The following COL20A1 variants were observed in gnomAD, a reference collection of about 807,000 sequenced individuals.
COL20A1 encodes the protein collagen type XX alpha 1 chain, also known as collagen alpha-1(XX) chain.
In COL20A1, 164 loss-of-function variants were observed where a neutral mutation model predicts 152.9. The observed-to-expected ratio is 1.07, with a 90% CI of 0.94 to 1.22. The LOEUF (loss-of-function observed/expected upper bound fraction) is 1.22. Ranked by LOEUF, COL20A1 falls within the 50% of genes most tolerant of loss-of-function variation. The pLI is 0.00. For synonymous variants in COL20A1, 864 were observed against 756.0 expected (o/e 1.14, Z -2.34); for missense variants, 1,873 against 1,744.8 (o/e 1.07, Z -1.31).
chr20:63,308,713 A>G lies in COL20A1; in HGVS notation c.940+7A>G. The G allele has an allele frequency of 1.3e-6, 2 of 1,585,002 alleles. No homozygotes were observed. The highest frequency in any genetic ancestry group is 1.7e-6 in the Non-Finnish European group (2 of 1,163,822). ...GTGAACGTCTTCGCTGTGGGTGAGCACCATGCGGCTCCCCCGGCCCTGGAG... is the reference window on the plus strand; with the variant it reads ...GTGAACGTCTTCGCTGTGGGTGAGCGCCATGCGGCTCCCCCGGCCCTGGAG... On this transcript the variant is annotated splice_region_variant and intron_variant, in intron 8 of 35. Transcript: ENST00000358894.
At position 63,311,514 on chromosome 20, in the gene COL20A1, C is replaced by G. The variant is rs534221260; in HGVS notation, c.1514C>G (p.Pro505Arg). The G allele has an allele frequency of 3.2e-5, 51 of 1,590,304 alleles. 1 individual carries two copies. In the South Asian group the frequency reaches 5.3e-4, roughly 17 times the overall value. Reference protein sequence around the residue: ...HYLVRCSPASPKGEEEEREVQ... With the variant: ...HYLVRCSPASRKGEEEEREVQ... Reference sequence around the variant, plus strand: ...CTGGTGCGATGTTCTCCTGCTTCCCCCAAGGGTGAAGAGGAGGAGCGAGAG... The same window carrying G: ...CTGGTGCGATGTTCTCCTGCTTCCCGCAAGGGTGAAGAGGAGGAGCGAGAG... The change falls in exon 12 of 36, where the codon CCC (proline) becomes CGC (arginine). Residue 505 changes from proline to arginine, a missense_variant. Coordinates refer to ENST00000358894, the MANE Select transcript of COL20A1 (RefSeq NM_020882.4). The surrounding 1 kb of genome is among the most constrained non-coding windows in gnomAD (Gnocchi z 4.4).
Position 63,305,988 on chromosome 20 carries a change from G to A in COL20A1, c.445G>A (p.Ala149Thr), listed in dbSNP as rs201968872. ...SHTGSPDPEQ[A>T]SEPQVAFTPS... Reference sequence around the variant, plus strand: ...CACGGGGAGCCCAGACCCTGAGCAGGCTTCTGAGCCCCAAGTTGCCTTCAC... The same window carrying A: ...CACGGGGAGCCCAGACCCTGAGCAGACTTCTGAGCCCCAAGTTGCCTTCAC... The change falls in exon 5 of 36, where the codon GCT (alanine) becomes ACT (threonine). Residue 149 changes from alanine to threonine, a missense_variant. By Grantham distance (58) the Ala-to-Thr change is moderately conservative. Coordinates refer to ENST00000358894, the MANE Select transcript of COL20A1 (RefSeq NM_020882.4). This position sits in a 1 kb window ranked among gnomAD's most constrained non-coding sequence, Gnocchi z 4.9. The A allele has an allele frequency of 4.3e-6, 7 of 1,612,768 alleles. No individual in the cohort carries two copies. In the Admixed American group the frequency reaches 5.0e-5, roughly 12 times the overall value.
rs2068001647 is a variant in COL20A1, at chr20:63,311,313, ACT to A, written c.1394-78_1394-77del. On this transcript the variant is annotated intron_variant, in intron 11 of 35. Coordinates refer to ENST00000358894, the MANE Select transcript of COL20A1 (RefSeq NM_020882.4). This position sits in a 1 kb window ranked among gnomAD's most constrained non-coding sequence, Gnocchi z 4.4. ...TGCCAGGCGGTGGCCGTGCCCACCC[ACT>A]CTGGTGTGAGGGTGCCCCGTGCGTG... 2.1e-5 allele frequency: 30 copies of A among 1,407,498 alleles called. No individual in the cohort carries two copies. The highest frequency in any genetic ancestry group is 2.7e-5 in the Non-Finnish European group (29 of 1,056,394). The allele number at this position is 1,407,498 out of a possible 1,614,324, so 87.2% of individuals were successfully genotyped here.
chr20:63,302,855 C>T (rs1255358030), intron 3 of COL20A1, among the ~76,000 whole-genome samples: 1 of 152,220 alleles, frequency 6.6e-6, no homozygotes, highest in African/African-American at 2.4e-5. Flanking sequence ...TTCGTCTCTC[C>T]ACCCTGTCTC....
rs143059145 is a variant in COL20A1, at chr20:63,308,110, C to T, written c.775+20C>T. On this transcript the variant is annotated intron_variant, in intron 7 of 35. Transcript: ENST00000358894. ...TCACAGGTACGGCCCAGGCCTGCCC[C>T]TCCCTCTGTCCTGAGGGCGGACCTC... is the stretch of plus-strand genomic sequence containing the variant. The T allele has an allele frequency of 1.2e-6, 2 of 1,611,330 alleles. No individual in the cohort carries two copies. Among genetic ancestry groups the T allele is most frequent in the Admixed American group, 3.3e-5 (2 of 59,910 alleles).
chr20:63,328,159 G>GCAGC, intron 33 of COL20A1, 32 bp downstream of exon 33: 2 of 1,610,796 alleles, frequency 1.2e-6, no homozygotes, highest in Non-Finnish European at 1.7e-6. Flanking sequence ...AGTGAGGCCA[G>GCAGC]CAGCCCTGCA....
In COL20A1 at chr20:63,319,021, T is replaced by A; in HGVS notation, c.2664-37T>A. ...TCTGCCAGGTTTGGCTGCCCTTGGG[T>A]CTGCTCATGTGCCTCTCCCTCCCCC... On this transcript the variant is annotated intron_variant, in intron 21 of 35. Coordinates refer to ENST00000358894, the MANE Select transcript of COL20A1 (RefSeq NM_020882.4). The surrounding 1 kb of genome is among the most constrained non-coding windows in gnomAD (Gnocchi z 4.4). 1 of 1,572,266 alleles carries A rather than the reference T, an allele frequency of 6.4e-7. No homozygotes were observed. Among genetic ancestry groups the A allele is most frequent in the Non-Finnish European group, 8.7e-7 (1 of 1,144,966 alleles).
intron 11 of COL20A1, 125 bp downstream of exon 11, chr20:63,310,635 A>G (rs1197210338): frequency 1.4e-5 from 15 of 1,088,502 alleles, no homozygotes; most frequent in Non-Finnish European, 1.9e-5. Flanking sequence ...CACAGTTGGC[A>G]CCATCCCCAG....
intron 26 of COL20A1, among the ~76,000 whole-genome samples, chr20:63,321,676 C>T (rs902241372): frequency 4.6e-5 from 7 of 152,148 alleles, no homozygotes; most frequent in Non-Finnish European, 4.4e-5. Context: ...GGGGTGGGTC[C>T]TGAGAGGTCC....
At chr20:63,321,177 C>G (rs1001664891) in intron 26 of COL20A1, 78 bp downstream of exon 26, 1 of 930,960 alleles carries the variant, frequency 1.1e-6, no homozygotes, top group Non-Finnish European at 1.7e-6. Flanking sequence ...ATGTGTAACC[C>G]AGGCCCTCCC....
Position 63,313,902 on chromosome 20 carries a change from G to C in COL20A1, c.2358+11G>C. ...GGACCCGAGAAATCCGTGAGTCTTG[G>C]TAGAGCCTGAGGCTGCCCCACCTCG... On this transcript the variant is annotated intron_variant, in intron 18 of 35. Coordinates refer to ENST00000358894, the MANE Select transcript of COL20A1 (RefSeq NM_020882.4). This position sits in a 1 kb window ranked among gnomAD's most constrained non-coding sequence, Gnocchi z 5.9. 6.3e-7 allele frequency: 1 copy of C among 1,595,316 alleles called. No homozygotes were observed. The highest frequency in any genetic ancestry group is 8.5e-7 in the Non-Finnish European group (1 of 1,171,242).
At chr20:63,325,391 C>T (rs1173654735) in intron 27 of COL20A1, 50 bp from the exon 28 acceptor site, 3 of 1,418,258 alleles carry the variant, frequency 2.1e-6, no homozygotes, top group Non-Finnish European at 2.0e-6. Flanking sequence ...CCCTGCCCTC[C>T]TGCCCTGTGC....
Position 63,305,996 on chromosome 20 carries a change from G to A in COL20A1, c.453G>A (p.Glu151=), listed in dbSNP as rs1488858650. 6.2e-7 allele frequency: 1 copy of A among 1,612,580 alleles called. No individual in the cohort carries two copies. The highest frequency in any genetic ancestry group is 8.5e-7 in the Non-Finnish European group (1 of 1,179,770). The change falls in exon 5 of 36, where the codon GAG becomes GAA. Residue 151 remains glutamate, a synonymous_variant. Coordinates refer to ENST00000358894, the MANE Select transcript of COL20A1 (RefSeq NM_020882.4). This position sits in a 1 kb window ranked among gnomAD's most constrained non-coding sequence, Gnocchi z 4.9. ...GCCCAGACCCTGAGCAGGCTTCTGA[G>A]CCCCAAGTTGCCTTCACACCAAGCC... The part of the protein sequence containing the change: ...TGSPDPEQAS[E]PQVAFTPSQD...
rs370410638 is a variant in COL20A1, at chr20:63,308,095, G to A, written c.775+5G>A. The A allele has an allele frequency of 2.5e-4, 396 of 1,599,722 alleles. No homozygotes were observed. Among genetic ancestry groups the A allele is most frequent in the Non-Finnish European group, 3.2e-4 (374 of 1,179,196 alleles). On this transcript the variant is annotated splice_donor_5th_base_variant and intron_variant, in intron 7 of 35. Coordinates refer to ENST00000358894, the MANE Select transcript of COL20A1 (RefSeq NM_020882.4). ...AGGGGGGGAACACGTTCACAGGTACGGCCCAGGCCTGCCCCTCCCTCTGTC... is the reference window on the plus strand; with the variant it reads ...AGGGGGGGAACACGTTCACAGGTACAGCCCAGGCCTGCCCCTCCCTCTGTC...
intron 14 of COL20A1, 98 bp from the exon 15 acceptor site, chr20:63,312,322 G>A: frequency 7.5e-7 from 1 of 1,340,836 alleles, no homozygotes; most frequent in Non-Finnish European, 9.8e-7. Context: ...GGGGGTCGTG[G>A]GGTAGTCCTG....
chr20:63,299,125 CCT>C lies in COL20A1; in HGVS notation c.193+1106_193+1107del, dbSNP rs1555826914. 5.6e-4 allele frequency among the ~76,000 whole-genome samples: 85 copies of C among 152,320 alleles called. 1 individual carries two copies. In the South Asian group the frequency reaches 0.013, roughly 23 times the overall value. ...CATTTTCTTTGCTGTATAGTATTCC[CCT>C]GTGTGATCTCTTCTGCTATTGATGG... On this transcript the variant is annotated intron_variant, in intron 3 of 35. Coordinates refer to ENST00000358894, the MANE Select transcript of COL20A1 (RefSeq NM_020882.4).
At chr20:63,321,685 C>G (rs936158367) in intron 26 of COL20A1, among the ~76,000 whole-genome samples, 7 of 152,124 alleles carry the variant, frequency 4.6e-5, no homozygotes, top group African/African-American at 1.7e-4. Flanking sequence ...CCTGAGAGGT[C>G]CTTGGACCTG....
rs866434106 is a variant in COL20A1, at chr20:63,312,893, C to T, written c.2035C>T (p.Gln679Ter). Residue 679 changes from glutamine (Q) to a stop codon, truncating the protein, a stop_gained, in exon 16 of 36, where the codon CAG becomes TAG. Coordinates refer to ENST00000358894, the MANE Select transcript of COL20A1 (RefSeq NM_020882.4). LOFTEE classifies it high-confidence loss of function. ...AGCCCCGTCTGGCGTGCTTGTCTACCAGATCACGTGGACGCCCCTGGGAGA... is the reference window on the plus strand; with the variant it reads ...AGCCCCGTCTGGCGTGCTTGTCTACTAGATCACGTGGACGCCCCTGGGAGA... ...AAAPSGVLVY[Q>*]ITWTPLGEGK... The T allele has an allele frequency of 2.6e-6, 4 of 1,558,480 alleles. No homozygotes were observed. In the Admixed American group the frequency reaches 7.7e-5, roughly 30 times the overall value.
At position 63,309,649 on chromosome 20, in the gene COL20A1, G is replaced by A. The variant is rs914454972; in HGVS notation, c.1106-109G>A. The stretch of plus-strand genomic sequence containing the variant: ...CACCCCCTTACATCTGTCCACAGAA[G>A]GGCTGGGGAGCAGCTTTCCTGTCCC... On this transcript the variant is annotated intron_variant, in intron 9 of 35. Coordinates refer to ENST00000358894, the MANE Select transcript of COL20A1 (RefSeq NM_020882.4). The A allele has an allele frequency of 8.6e-6, 11 of 1,279,624 alleles. 1 individual carries two copies. The highest frequency in any genetic ancestry group is 7.5e-5 in the African/African-American group (5 of 66,878). 79.3% of individuals were successfully genotyped at this position (1,279,624 alleles called of 1,614,324 possible). A position where few individuals can be genotyped will look rare whatever the true frequency, so the allele number is the denominator to read the frequency against.
Sources: gnomAD v4.1 joint callset for allele counts (sites outside exome capture counted in the v4.1 genomes callset) on GRCh38, gnomAD v4.1.1 for gene constraint, Gnocchi (gnomAD v3.1) non-coding constraint, MANE v1.5 for transcripts, NCBI Gene and HGNC (gene_info 2026-07-23, HGNC 2026-07-21) for gene names.